Variants in LITAF observed in about 807,000 individuals in gnomAD.
LITAF encodes the protein lipopolysaccharide-induced tumor necrosis factor-alpha factor.
A neutral mutation model predicts 14.5 loss-of-function variants in LITAF; 9 were observed. The observed-to-expected ratio is 0.62, with a 90% CI of 0.37 to 1.08. The LOEUF (loss-of-function observed/expected upper bound fraction) is 1.08, where lower values mean the gene tolerates loss of function less well. LITAF is among the 50% of genes least tolerant of loss of function. LITAF has a pLI of 0.01. For missense variants in LITAF, 206 were observed against 213.4 expected, an observed-to-expected ratio of 0.97 and a Z score of 0.22; for synonymous variants, 98 against 88.2, an observed-to-expected ratio of 1.11 and a Z score of -0.62.
At chr16:11,635,591 C>T (rs928477468) in intron 2 of LITAF, among the ~76,000 whole-genome samples, 4 of 152,224 alleles carry the variant, frequency 2.6e-5, no homozygotes, top group Non-Finnish European at 4.4e-5. Context: ...AAAGTGCCCA[C>T]TTCAAGGAGG....
intron 1 of LITAF, among the ~76,000 whole-genome samples, chr16:11,576,356 T>G (rs1471896913): frequency 6.6e-6 from 1 of 151,706 alleles, no homozygotes; most frequent in Non-Finnish European, 1.5e-5. Flanking sequence ...GTAGTCCCAG[T>G]TACTCCAGAG....
chr16:11,571,922 C>T lies in LITAF; in HGVS notation c.-6+14964G>A, dbSNP rs1050570860. ...GACCAGCCTGAGCAAAATGGCAAAACTCTGTCTCTTTTTTTAATTAGCCAG... is the reference window on the plus strand; with the variant it reads ...GACCAGCCTGAGCAAAATGGCAAAATTCTGTCTCTTTTTTTAATTAGCCAG... On this transcript the variant is annotated intron_variant, in intron 1 of 3. Coordinates refer to ENST00000622633, the MANE Select transcript of LITAF (RefSeq NM_001136472.2). Among the ~76,000 whole-genome samples the T allele has an allele frequency of 5.3e-5, 8 of 151,888 alleles. No individual in the cohort carries two copies. The East Asian group carries it at 1.5e-3, about 29-fold the overall frequency.
At chr16:11,622,206 T>C (rs1054401172) in intron 3 of LITAF, among the ~76,000 whole-genome samples, 3 of 152,212 alleles carry the variant, frequency 2.0e-5, no homozygotes, top group African/African-American at 7.2e-5. Flanking sequence ...GCGGCATGGC[T>C]TGCTCATGAG....
chr16:11,568,416 G>A (rs553421610), intron 1 of LITAF, among the ~76,000 whole-genome samples: 3 of 152,000 alleles, frequency 2.0e-5, no homozygotes, highest in Non-Finnish European at 2.9e-5. Context: ...GTCACTCCAC[G>A]CTCATCACCT....
At chr16:11,562,080 G>A (rs1209836742) in intron 1 of LITAF, among the ~76,000 whole-genome samples, 1 of 151,704 alleles carries the variant, frequency 6.6e-6, no homozygotes, top group Non-Finnish European at 1.5e-5. Flanking sequence ...CACCATACCT[G>A]GCTATAACTT....
rs1451689582 is a variant in LITAF at position 11,555,071 on chromosome 16, TG to T, written c.221-1383del. ...CAGGGGGGACAAGGTCTTGTTGTGT[TG>T]CCCAGGCTGGAGTGCAGGGGTACAA... On this transcript the variant is annotated intron_variant, in intron 2 of 3. Transcript: ENST00000622633. 5.9e-5 allele frequency among the ~76,000 whole-genome samples: 9 copies of T among 152,190 alleles called. No individual in the cohort carries two copies. In the South Asian group the frequency reaches 6.2e-4, roughly 11 times the overall value.
chr16:11,558,367 C>G lies in LITAF; in HGVS notation c.-5-1632G>C, dbSNP rs541388160. ...GCAGGATAGCCTGAGCCCAGGATCT[C>G]AAGACTAACCTGGGCAACATGGTGA... On this transcript the variant is annotated intron_variant, in intron 1 of 3. Transcript: ENST00000622633. This position sits in a 1 kb window ranked among gnomAD's most constrained non-coding sequence, Gnocchi z 4.1. Among the ~76,000 whole-genome samples the G allele has an allele frequency of 6.6e-6, 1 of 152,212 alleles. No homozygotes were observed. The highest frequency in any genetic ancestry group is 1.9e-4 in the East Asian group (1 of 5,182).
chr16:11,624,305 A>G (rs1323395203), intron 3 of LITAF, among the ~76,000 whole-genome samples: 1 of 152,178 alleles, frequency 6.6e-6, no homozygotes, highest in Non-Finnish European at 1.5e-5. Flanking sequence ...ATTTTCCAAT[A>G]GTTCCAGCTA....
intron 3 of LITAF, among the ~76,000 whole-genome samples, chr16:11,616,733 A>G (rs1278340311): frequency 6.6e-6 from 1 of 152,000 alleles, no homozygotes; most frequent in Non-Finnish European, 1.5e-5. Flanking sequence ...CAACATAGGA[A>G]GACCCCATCT....
At chr16:11,552,806 A>C (rs2064201216) in intron 3 of LITAF, among the ~76,000 whole-genome samples, 2 of 151,892 alleles carry the variant, frequency 1.3e-5, no homozygotes, top group Non-Finnish European at 1.5e-5. Context: ...TGCACAGGAC[A>C]CCCCCTACAA....
rs2064384145 is a variant in LITAF, at chr16:11,562,378, G to A, written c.-5-5643C>T. 2.0e-5 allele frequency among the ~76,000 whole-genome samples: 3 copies of A among 151,112 alleles called. No homozygotes were observed. The South Asian group carries it at 6.3e-4, about 32-fold the overall frequency. ...AATTCGAACACTTTTTGAACAAAGGGCCTCGCGTTTCCATGCTGCACTGGA... is the reference window on the plus strand; with the variant it reads ...AATTCGAACACTTTTTGAACAAAGGACCTCGCGTTTCCATGCTGCACTGGA... On this transcript the variant is annotated intron_variant, in intron 1 of 3. Coordinates refer to ENST00000622633, the MANE Select transcript of LITAF (RefSeq NM_001136472.2).
rs1177534144 is a variant in LITAF at position 11,576,701 on chromosome 16, C to CT, written c.-6+10184dup. Among the ~76,000 whole-genome samples the CT allele has an allele frequency of 3.9e-5, 6 of 152,214 alleles. No individual in the cohort carries two copies. The East Asian group carries it at 1.2e-3, about 29-fold the overall frequency. The stretch of plus-strand genomic sequence containing the variant: ...AACACAATTTGCTACTTCAAAGCCT[C>CT]TGAGGACTTGGACACCAGCAGAACC... On this transcript the variant is annotated intron_variant, in intron 1 of 3. Coordinates refer to ENST00000622633, the MANE Select transcript of LITAF (RefSeq NM_001136472.2).
chr16:11,614,146 T>C (rs2065001964), intron 3 of LITAF, among the ~76,000 whole-genome samples: 1 of 152,142 alleles, frequency 6.6e-6, no homozygotes, highest in Non-Finnish European at 1.5e-5. Flanking sequence ...CTGTGACAAA[T>C]GACCACAAAC....
chr16:11,637,948 ATATATATC>A (rs2065145947), upstream of LITAF, among the ~76,000 whole-genome samples: 1 of 59,750 alleles, frequency 1.7e-5, no homozygotes, highest in East Asian at 3.6e-4. Flanking sequence ...CTATATATCT[ATATATATC>A]TATATATATC....
At chr16:11,557,653 G>A (rs1413896287) in intron 1 of LITAF, among the ~76,000 whole-genome samples, 1 of 152,060 alleles carries the variant, frequency 6.6e-6, no homozygotes, top group Non-Finnish European at 1.5e-5. Flanking sequence ...GTCTCACTTT[G>A]CTATCTAGGC....
At chr16:11,563,695 T>G (rs1019900244) in intron 1 of LITAF, among the ~76,000 whole-genome samples, 1 of 151,920 alleles carries the variant, frequency 6.6e-6, no homozygotes, top group African/African-American at 2.4e-5. Flanking sequence ...AAACAGGCAA[T>G]AGAACGTTAA....
chr16:11,563,434 G>C (rs965043766), intron 1 of LITAF, among the ~76,000 whole-genome samples: 1 of 152,128 alleles, frequency 6.6e-6, no homozygotes. Flanking sequence ...ACAGGCGTGA[G>C]TCACCACGCC....
chr16:11,580,161 C>G (rs187763824), intron 1 of LITAF, among the ~76,000 whole-genome samples: 35 of 152,220 alleles, frequency 2.3e-4, no homozygotes, highest in African/African-American at 8.4e-4. Flanking sequence ...AAAAAAAGAT[C>G]CAAAATCTGA....
upstream of LITAF, among the ~76,000 whole-genome samples, chr16:11,640,299 T>C (rs2065159816): frequency 6.6e-6 from 1 of 152,236 alleles, no homozygotes; most frequent in Admixed American, 6.5e-5. Context: ...CTGATACTTG[T>C]TCTGCAGCCT....
Sources: gnomAD v4.1 joint callset for allele counts (sites outside exome capture counted in the v4.1 genomes callset) on GRCh38, gnomAD v4.1.1 for gene constraint, Gnocchi (gnomAD v3.1) non-coding constraint, MANE v1.5 for transcripts, NCBI Gene and HGNC (gene_info 2026-07-23, HGNC 2026-07-21) for gene names.